Variants in NRG3 observed in about 807,000 individuals in gnomAD.
NRG3 encodes pro-neuregulin-3, membrane-bound isoform.
A neutral mutation model predicts 66.9 loss-of-function variants in NRG3; 31 were observed. The observed-to-expected ratio is 0.46, with a 90% CI of 0.35 to 0.63. The LOEUF is 0.63. NRG3 is among the 20% of genes least tolerant of loss of function. The pLI, the probability that NRG3 is intolerant of heterozygous loss-of-function variation, is 0.00. For synonymous variants in NRG3, 393 were observed against 359.4 expected (o/e 1.09, Z -1.06); for missense variants, 910 against 878.9 (o/e 1.04, Z -0.45).
At chr10:82,017,902 T>A (rs1454464420) in intron 1 of NRG3, among the ~76,000 whole-genome samples, 1 of 152,226 alleles carries the variant, frequency 6.6e-6, no homozygotes, top group Admixed American at 6.5e-5. Flanking sequence ...CTGTTCACTC[T>A]GATGGCAGTT....
chr10:82,760,256 C>G (rs902121761), intron 3 of NRG3, among the ~76,000 whole-genome samples: 2 of 152,090 alleles, frequency 1.3e-5, no homozygotes, highest in Admixed American at 1.3e-4. Context: ...ACAGAGATGC[C>G]CACAGCCAAA....
chr10:82,500,932 A>T (rs1332697626), intron 2 of NRG3, among the ~76,000 whole-genome samples: 2 of 152,132 alleles, frequency 1.3e-5, no homozygotes, highest in African/African-American at 2.4e-5. Context: ...GTAAGGATGG[A>T]GTATGATTTA....
intron 3 of NRG3, among the ~76,000 whole-genome samples, chr10:82,795,044 C>T (rs955829746): frequency 3.3e-5 from 5 of 152,102 alleles, no homozygotes; most frequent in Non-Finnish European, 5.9e-5. Flanking sequence ...ATAAAACTCA[C>T]GTATAAAAAT....
intron 2 of NRG3, among the ~76,000 whole-genome samples, chr10:82,624,902 AAT>A (rs111465104): frequency 2.2e-3 from 316 of 145,900 alleles, no homozygotes; most frequent in Non-Finnish European, 3.4e-3. Context: ...GATAAATATA[AAT>A]ATATATATAT....
At chr10:82,126,122 T>A (rs1166496583) in intron 1 of NRG3, among the ~76,000 whole-genome samples, 1 of 152,026 alleles carries the variant, frequency 6.6e-6, no homozygotes, top group Non-Finnish European at 1.5e-5. Context: ...GACAGCCAGA[T>A]CTTAATACTT....
At chr10:81,919,900 C>A (rs1049230797) in intron 1 of NRG3, among the ~76,000 whole-genome samples, 3 of 152,196 alleles carry the variant, frequency 2.0e-5, no homozygotes, top group Non-Finnish European at 4.4e-5. Flanking sequence ...GTGTTTTATT[C>A]TTGGCAAGGC....
chr10:82,925,394 G>A (rs1846881292), intron 4 of NRG3, among the ~76,000 whole-genome samples: 1 of 152,186 alleles, frequency 6.6e-6, no homozygotes, highest in Admixed American at 6.5e-5. Context: ...ATCTTCTCAA[G>A]TGCAACTGGG....
chr10:82,486,479 A>G (rs1005929636), intron 2 of NRG3, among the ~76,000 whole-genome samples: 10 of 151,932 alleles, frequency 6.6e-5, no homozygotes, highest in African/African-American at 1.7e-4. Context: ...CAGTGGTGCA[A>G]TCTTGGCTCA....
In NRG3 at chr10:82,951,540, A is replaced by G; in HGVS notation, c.1126A>G (p.Met376Val). 1.2e-6 allele frequency: 2 copies of G among 1,613,966 alleles called. No homozygotes were observed. The highest frequency in any genetic ancestry group is 8.5e-7 in the Non-Finnish European group (1 of 1,179,834). Residue 376 changes from methionine to valine, a missense_variant, in exon 5 of 9, where the codon ATG becomes GTG. Transcript: ENST00000372141. The part of the protein sequence containing the change: ...CIIFGIVIVG[M>V]FCAAFYFKSK... ...CATCTTTGGAATTGTCATCGTGGGC[A>G]TGTTCTGTGCAGCATTCTACTTCAA...
chr10:82,858,563 C>T (rs918137918), intron 3 of NRG3, among the ~76,000 whole-genome samples: 1 of 152,208 alleles, frequency 6.6e-6, no homozygotes, highest in South Asian at 2.1e-4. Flanking sequence ...GCCTTCCTCA[C>T]AAAACCTATT....
chr10:82,378,882 T>G (rs893675009), intron 2 of NRG3, among the ~76,000 whole-genome samples: 2 of 152,086 alleles, frequency 1.3e-5, no homozygotes, highest in African/African-American at 4.8e-5. Flanking sequence ...CTGATGGAAT[T>G]TTCTCTTGCT....
At chr10:82,138,538 G>A (rs563582437) in intron 1 of NRG3, among the ~76,000 whole-genome samples, 1 of 152,100 alleles carries the variant, frequency 6.6e-6, no homozygotes, top group Non-Finnish European at 1.5e-5. Flanking sequence ...TAGAGGGACA[G>A]AACTAATAGG....
intron 2 of NRG3, among the ~76,000 whole-genome samples, chr10:82,474,836 T>TA (rs1841616749): frequency 3.9e-5 from 6 of 151,914 alleles, no homozygotes. Context: ...ATAATAAAAG[T>TA]ATTGAATTCA....
chr10:82,212,469 A>G (rs1401189843), intron 1 of NRG3, among the ~76,000 whole-genome samples: 2 of 152,220 alleles, frequency 1.3e-5, no homozygotes, highest in East Asian at 3.9e-4. Flanking sequence ...GTGCTTTCGC[A>G]TAAGTTAACT....
At chr10:82,212,313 A>C (rs1048884644) in intron 1 of NRG3, among the ~76,000 whole-genome samples, 2 of 152,168 alleles carry the variant, frequency 1.3e-5, no homozygotes, top group African/African-American at 4.8e-5. Context: ...TCTATTGAAC[A>C]TTTTGTGGAG....
At chr10:82,243,455 G>C (rs186775127) in intron 1 of NRG3, among the ~76,000 whole-genome samples, 1 of 152,060 alleles carries the variant, frequency 6.6e-6, no homozygotes, top group East Asian at 1.9e-4. Flanking sequence ...AAAAAGACAA[G>C]CTGAAGGCAC....
At chr10:82,331,696 T>C (rs2082141989) in intron 1 of NRG3, among the ~76,000 whole-genome samples, 1 of 152,228 alleles carries the variant, frequency 6.6e-6, no homozygotes, top group Non-Finnish European at 1.5e-5. Flanking sequence ...TCATTTTTCC[T>C]TAAAACCCAT....
chr10:81,889,518 A>G (rs1388501801), intron 1 of NRG3: 1 of 152,184 alleles, frequency 6.6e-6, no homozygotes. Flanking sequence ...GAACCTTCAG[A>G]TAAGAATCCA....
chr10:82,626,840 C>T (rs1017026235), intron 2 of NRG3, among the ~76,000 whole-genome samples: 2 of 152,094 alleles, frequency 1.3e-5, no homozygotes, highest in Non-Finnish European at 2.9e-5. Flanking sequence ...TCTGCCAATA[C>T]TGAGTTTCCT....
Sources: gnomAD v4.1 joint callset for allele counts (sites outside exome capture counted in the v4.1 genomes callset) on GRCh38, gnomAD v4.1.1 for gene constraint, MANE v1.5 for transcripts, NCBI Gene and HGNC (gene_info 2026-07-23, HGNC 2026-07-21) for gene names.